Variants in PHTF2 observed in about 807,000 individuals in gnomAD.
PHTF2 encodes protein PHTF2.
Under a neutral mutation model 101.2 loss-of-function variants are expected in PHTF2, and 60 were observed. That is an observed-to-expected ratio of 0.59 (90% confidence interval 0.48 to 0.73). The LOEUF is 0.73. Ranked by LOEUF, PHTF2 falls within the 30% of genes least tolerant of loss-of-function variation. PHTF2 has a pLI of 0.00. For missense variants in PHTF2, 747 were observed against 908.7 expected, an observed-to-expected ratio of 0.82 and a Z score of 2.29; for synonymous variants, 311 against 307.3, an observed-to-expected ratio of 1.01 and a Z score of -0.13.
intron 2 of PHTF2, among the ~76,000 whole-genome samples, chr7:77,851,718 C>A (rs546783856): frequency 6.6e-6 from 1 of 151,046 alleles, no homozygotes; most frequent in African/African-American, 2.4e-5. Flanking sequence ...CTGCTCTGAA[C>A]TTTTATTATT....
intron 2 of PHTF2, among the ~76,000 whole-genome samples, chr7:77,850,360 C>CAAAAAAAAAAAAAAAAAA (rs71082789): frequency 1.4e-4 from 6 of 44,390 alleles, no homozygotes; most frequent in African/African-American, 2.6e-4. Context: ...GACCTTGTCT[C>CAAAAAAAAAAAAAAAAAA]AAAAAAAAAA....
At chr7:77,927,157 C>CAAAAAAAAAAAAAAAAAAAAAA (rs869210694) in intron 11 of PHTF2, among the ~76,000 whole-genome samples, 1 of 36,524 alleles carries the variant, frequency 2.7e-5, no homozygotes, top group African/African-American at 7.5e-5. Flanking sequence ...GACTCCATCT[C>CAAAAAAAAAAAAAAAAAAAAAA]AAAAAAAAAA....
exon 10 of PHTF2, chr7:77,920,318 A>G: frequency 1.9e-6 from 3 of 1,601,268 alleles, no homozygotes; most frequent in East Asian, 2.2e-5. Flanking sequence ...AATCAACTGA[A>G]ACTGACAATG....
At chr7:77,890,138 CT>C (rs1800257743) in intron 3 of PHTF2, among the ~76,000 whole-genome samples, 1 of 151,458 alleles carries the variant, frequency 6.6e-6, no homozygotes, top group Non-Finnish European at 1.5e-5. Context: ...TATCCTGTGG[CT>C]TTTTTAATAG....
At chr7:77,826,064 A>G (rs1794676494) in intron 1 of PHTF2, among the ~76,000 whole-genome samples, 2 of 152,242 alleles carry the variant, frequency 1.3e-5, no homozygotes, top group South Asian at 2.1e-4. Context: ...ACCATATCCT[A>G]GTAGTTTTTA....
In PHTF2 at chr7:77,922,786, C is replaced by T; in HGVS notation, c.1119+8C>T. The stretch of plus-strand genomic sequence containing the variant: ...AAACATTACCCTAATGAGGTATATA[C>T]TTTGTCCTTAAGTGTATACATACGT... On this transcript the variant is annotated splice_region_variant and intron_variant, in intron 11 of 19. Coordinates refer to ENST00000416283, the Ensembl canonical transcript of PHTF2. 6.4e-7 allele frequency: 1 copy of T among 1,562,974 alleles called. No homozygotes were observed. The highest frequency in any genetic ancestry group is 8.7e-7 in the Non-Finnish European group (1 of 1,144,656).
rs1475832385 is a variant in PHTF2, at chr7:77,859,566, T to TC, written c.147+4732_147+4733insC. Among the ~76,000 whole-genome samples the TC allele has an allele frequency of 1.4e-4, 7 of 48,934 alleles. No homozygotes were observed. The East Asian group carries it at 2.4e-3, about 17-fold the overall frequency. 32.1% of individuals were successfully genotyped at this position (48,934 alleles called of 152,430 possible). A position where few individuals can be genotyped will look rare whatever the true frequency, so the allele number is the denominator to read the frequency against. On this transcript the variant is annotated intron_variant, in intron 3 of 19. Coordinates refer to ENST00000416283, the Ensembl canonical transcript of PHTF2. ...AGAATTTCTTTTCTTTCTTTCTTCTTTTTTTTTTTTTTTTTGAAGCAGGGT... is the reference window on the plus strand; with the variant it reads ...AGAATTTCTTTTCTTTCTTTCTTCTTCTTTTTTTTTTTTTTTGAAGCAGGGT...
chr7:77,868,971 C>A (rs760517469), intron 3 of PHTF2, among the ~76,000 whole-genome samples: 18 of 151,998 alleles, frequency 1.2e-4, no homozygotes, highest in Non-Finnish European at 2.4e-4. Flanking sequence ...AGATCCTATT[C>A]GTACTTTATT....
chr7:77,946,005 G>C (rs1369490860), intron 16 of PHTF2, among the ~76,000 whole-genome samples: 1 of 152,158 alleles, frequency 6.6e-6, no homozygotes, highest in African/African-American at 2.4e-5. Flanking sequence ...CAGTACCATA[G>C]AGCTAGTATG....
chr7:77,859,590 GTC>G (rs1797460328), intron 3 of PHTF2, among the ~76,000 whole-genome samples: 1 of 145,456 alleles, frequency 6.9e-6, no homozygotes, highest in South Asian at 2.2e-4. Context: ...TTGAAGCAGG[GTC>G]TCTCTGTGTT....
chr7:77,852,224 G>T lies in PHTF2; in HGVS notation c.46-2509G>T, dbSNP rs541649839. ...AAGTTATTTTTGACTGGGCATGGTGGCTCCCGCCTGTATTCCCAGCACTTT... is the reference window on the plus strand; with the variant it reads ...AAGTTATTTTTGACTGGGCATGGTGTCTCCCGCCTGTATTCCCAGCACTTT... On this transcript the variant is annotated intron_variant, in intron 2 of 19. Coordinates refer to ENST00000416283, the Ensembl canonical transcript of PHTF2. Among the ~76,000 whole-genome samples the T allele has an allele frequency of 6.6e-5, 10 of 152,278 alleles. No homozygotes were observed. The South Asian group carries it at 2.1e-3, about 32-fold the overall frequency.
At chr7:77,888,835 A>C (rs1289844943) in intron 3 of PHTF2, among the ~76,000 whole-genome samples, 1 of 151,734 alleles carries the variant, frequency 6.6e-6, no homozygotes, top group Non-Finnish European at 1.5e-5. Context: ...TCTGAGCAAC[A>C]GACTGAGACC....
At position 77,906,934 on chromosome 7, in the gene PHTF2, T is replaced by TAAAA. The variant is rs10694050; in HGVS notation, c.446-1844_446-1841dup. On this transcript the variant is annotated intron_variant, in intron 7 of 19. Coordinates refer to ENST00000416283, the Ensembl canonical transcript of PHTF2. Reference sequence around the variant, plus strand: ...AGAAAAATTAAGAGTTAATGGTAGCTAAAAAAAAAAAAAAAAAAGCTACTA... The same window carrying TAAAA: ...AGAAAAATTAAGAGTTAATGGTAGCTAAAAAAAAAAAAAAAAAAAAAAGCTACTA... Among the ~76,000 whole-genome samples, 88 of 118,868 alleles carry TAAAA rather than the reference T, an allele frequency of 7.4e-4. 1 individual carries two copies. The highest frequency in any genetic ancestry group is 2.6e-3 in the African/African-American group (80 of 31,048). The allele number at this position is 118,868 out of a possible 152,430, so 78.0% of individuals were successfully genotyped here.
At chr7:77,954,809 C>T (rs769115821) in intron 19 of PHTF2, 49 bp from the exon 19 acceptor site, 5 of 1,071,634 alleles carry the variant, frequency 4.7e-6, no homozygotes, top group East Asian at 2.5e-5. Flanking sequence ...ATAATTTAAG[C>T]TTTGATATTA....
intron 3 of PHTF2, among the ~76,000 whole-genome samples, chr7:77,882,191 G>T (rs1347222525): frequency 6.6e-6 from 1 of 152,096 alleles, no homozygotes; most frequent in Non-Finnish European, 1.5e-5. Context: ...TACTCATAAT[G>T]AATGGAATCT....
At chr7:77,889,461 A>G (rs902138765) in intron 3 of PHTF2, among the ~76,000 whole-genome samples, 1 of 152,172 alleles carries the variant, frequency 6.6e-6, no homozygotes, top group African/African-American at 2.4e-5. Context: ...AACCCTGAAC[A>G]TCTCCTTCTG....
intron 1 of PHTF2, among the ~76,000 whole-genome samples, chr7:77,832,549 G>A (rs1386849462): frequency 6.6e-6 from 1 of 152,204 alleles, no homozygotes; most frequent in Non-Finnish European, 1.5e-5. Context: ...TAAAGTCAAG[G>A]CGGACTATCC....
intron 18 of PHTF2, among the ~76,000 whole-genome samples, chr7:77,952,095 T>C (rs1806597112): frequency 2.0e-5 from 3 of 152,112 alleles, no homozygotes; most frequent in Non-Finnish European, 2.9e-5. Context: ...TAAAAAGTAA[T>C]AATACATAAT....
chr7:77,914,563 C>G (rs1177685872), intron 9 of PHTF2, among the ~76,000 whole-genome samples: 1 of 152,078 alleles, frequency 6.6e-6, no homozygotes, highest in African/African-American at 2.4e-5. Flanking sequence ...GGAAAAGCCC[C>G]TAGTTGTCCC....
Sources: allele counts gnomAD v4.1 joint callset (sites outside exome capture counted in the v4.1 genomes callset), GRCh38; gene constraint gnomAD v4.1.1; transcripts MANE v1.5; gene names NCBI Gene and HGNC (gene_info 2026-07-23, HGNC 2026-07-21).